Variants in RHAG observed in about 807,000 individuals in gnomAD.
RHAG encodes the protein ammonium transporter Rh type A.
A neutral mutation model predicts 42.4 loss-of-function variants in RHAG; 25 were observed. That is an observed-to-expected ratio of 0.59 (90% CI 0.43 to 0.82). RHAG has a LOEUF of 0.82. Among genes scored for constraint, RHAG ranks in the 40% least tolerant of loss-of-function variants. The probability of loss-of-function intolerance (pLI) is 0.00; values close to 1 mark genes in which losing one functional copy is unlikely to be tolerated. For synonymous variants in RHAG, 182 were observed against 177.7 expected (o/e 1.02, Z -0.19); for missense variants, 483 against 504.6 (o/e 0.96, Z 0.41).
At chr6:49,608,694 C>A (rs566579569) in intron 7 of RHAG, among the ~76,000 whole-genome samples, 1 of 152,198 alleles carries the variant, frequency 6.6e-6, no homozygotes, top group South Asian at 2.1e-4. Context: ...TTCTTAAGAA[C>A]TTTTCCAAAT....
intron 1 of RHAG, among the ~76,000 whole-genome samples, chr6:49,633,226 T>G (rs1762959248): frequency 6.6e-6 from 1 of 152,182 alleles, no homozygotes; most frequent in Admixed American, 6.5e-5. Context: ...AATTGAGAAC[T>G]ATCATAATGT....
Position 49,619,046 on chromosome 6 carries a change from A to T in RHAG, c.341+133T>A. ...TTTCACAAGGACACTGATCCCATTC[A>T]TAAACACTCTGCCTTCATGACCTGG... On this transcript the variant is annotated intron_variant, in intron 2 of 9. Transcript: ENST00000371175. The T allele has an allele frequency of 3.1e-6, 3 of 973,658 alleles. No individual in the cohort carries two copies. The South Asian group carries it at 4.2e-5, about 14-fold the overall frequency. 60.3% of individuals were successfully genotyped at this position (973,658 alleles called of 1,614,324 possible). A position where few individuals can be genotyped will look rare whatever the true frequency, so the allele number is the denominator to read the frequency against.
intron 1 of RHAG, among the ~76,000 whole-genome samples, chr6:49,626,095 C>T (rs986078818): frequency 2.0e-5 from 3 of 152,098 alleles, no homozygotes; most frequent in Non-Finnish European, 4.4e-5. Flanking sequence ...ACAGACAAAC[C>T]ATCTCATTTC....
Position 49,611,163 on chromosome 6 carries a change from A to G in RHAG, c.946-18T>C, listed in dbSNP as rs75364298. 55,368 of 1,602,720 alleles carry G rather than the reference A, an allele frequency of 0.035. 1,531 individuals are homozygous for G. The highest frequency in any genetic ancestry group is 0.1 in the African/African-American group (7,570 of 74,768). On this transcript the variant is annotated intron_variant, in intron 6 of 9. Transcript: ENST00000371175. ...AAAAGTGGCTAAAATTATAAAAGGA[A>G]GAAGGTTTATTATTTAGTTAAACAT...
intron 1 of RHAG, among the ~76,000 whole-genome samples, chr6:49,623,340 A>G (rs983702912): frequency 3.9e-5 from 6 of 152,320 alleles, no homozygotes; most frequent in Admixed American, 3.3e-4. Flanking sequence ...ACGAATAAAA[A>G]GGTTTATAAA....
intron 6 of RHAG, 96 bp from the exon 7 acceptor site, chr6:49,611,241 A>G: frequency 1.1e-6 from 1 of 945,212 alleles, no homozygotes. Flanking sequence ...TCTTCCATGG[A>G]GAAAAAGTAT....
At chr6:49,621,440 G>A (rs1021879387) in intron 1 of RHAG, among the ~76,000 whole-genome samples, 2 of 152,092 alleles carry the variant, frequency 1.3e-5, no homozygotes, top group African/African-American at 4.8e-5. Context: ...GCCTCCTGAA[G>A]GGTCAGCTGA....
chr6:49,613,493 A>C (rs1410688130), intron 5 of RHAG, among the ~76,000 whole-genome samples: 1 of 152,148 alleles, frequency 6.6e-6, no homozygotes, highest in Non-Finnish European at 1.5e-5. Context: ...TTTCCTTTTC[A>C]TTGTTTTTAA....
intron 1 of RHAG, among the ~76,000 whole-genome samples, chr6:49,625,900 G>A (rs920130895): frequency 6.6e-5 from 10 of 152,138 alleles, no homozygotes; most frequent in Non-Finnish European, 1.3e-4. Flanking sequence ...ATGGCGGCAG[G>A]CAAGAGAGCT....
chr6:49,608,914 G>A (rs1000611916), intron 7 of RHAG, among the ~76,000 whole-genome samples: 7 of 151,872 alleles, frequency 4.6e-5, no homozygotes, highest in African/African-American at 1.7e-4. Flanking sequence ...TAATTTTATA[G>A]GAATTTGCCA....
chr6:49,634,094 TCACC>T (rs1762971771), intron 1 of RHAG, among the ~76,000 whole-genome samples: 1 of 152,212 alleles, frequency 6.6e-6, no homozygotes, highest in Non-Finnish European at 1.5e-5. Flanking sequence ...AGGATATCCA[TCACC>T]TTGAACATTT....
intron 1 of RHAG, among the ~76,000 whole-genome samples, chr6:49,633,247 T>A (rs1003317277): frequency 6.6e-6 from 1 of 152,182 alleles, no homozygotes; most frequent in Admixed American, 6.5e-5. Flanking sequence ...ACTGTGAACT[T>A]CTTGGGGAGG....
chr6:49,610,392 T>C (rs1762553641), intron 7 of RHAG, among the ~76,000 whole-genome samples: 1 of 152,172 alleles, frequency 6.6e-6, no homozygotes, highest in East Asian at 1.9e-4. Flanking sequence ...TTGATAGTTG[T>C]TTTTCCTCTG....
At chr6:49,618,962 G>A (rs972048839) in intron 2 of RHAG, among the ~76,000 whole-genome samples, 42 of 152,114 alleles carry the variant, frequency 2.8e-4, no homozygotes, top group African/African-American at 9.7e-4. Context: ...GTTGGTAGAT[G>A]GTGCCTTCCA....
In RHAG at chr6:49,605,616, C is replaced by A; in HGVS notation, c.*197G>T. The A allele has an allele frequency of 1.5e-6, 1 of 684,298 alleles. No individual in the cohort carries two copies. The highest frequency in any genetic ancestry group is 2.7e-6 in the Non-Finnish European group (1 of 368,104). 42.4% of individuals were successfully genotyped at this position (684,298 alleles called of 1,614,324 possible). On this transcript the variant is annotated 3_prime_UTR_variant, in exon 10 of 10. Coordinates refer to ENST00000371175, the MANE Select transcript of RHAG (RefSeq NM_000324.3). ...TTGAAGAGCAAGAGACAGCATCAGACATAAGGACATTTTTACACTGGCCAT... is the reference window on the plus strand; with the variant it reads ...TTGAAGAGCAAGAGACAGCATCAGAAATAAGGACATTTTTACACTGGCCAT...
At chr6:49,633,260 C>T (rs1023048157) in intron 1 of RHAG, among the ~76,000 whole-genome samples, 2 of 152,094 alleles carry the variant, frequency 1.3e-5, no homozygotes, top group Non-Finnish European at 2.9e-5. Context: ...TGGGGAGGAA[C>T]CGAGCCTTTT....
chr6:49,625,715 A>G (rs149843857), intron 1 of RHAG, among the ~76,000 whole-genome samples: 119 of 152,212 alleles, frequency 7.8e-4, no homozygotes, highest in African/African-American at 2.8e-3. Context: ...ATATCTTGCA[A>G]TAGGATATCT....
chr6:49,624,061 CAGAAA>C (rs1762804068), intron 1 of RHAG, among the ~76,000 whole-genome samples: 1 of 151,936 alleles, frequency 6.6e-6, no homozygotes, highest in African/African-American at 2.4e-5. Flanking sequence ...AAGTTGTTAA[CAGAAA>C]ATAAAAGAGA....
Position 49,607,131 on chromosome 6 carries a change from G to A in RHAG, c.1138+19C>T. ...CTGAGAGCATAAGATACAGGGAAGT[G>A]TTCACTTTTTATGCTGACCTGTCAT... On this transcript the variant is annotated intron_variant, in intron 8 of 9. Coordinates refer to ENST00000371175, the MANE Select transcript of RHAG (RefSeq NM_000324.3). 1 of 1,596,688 alleles carries A rather than the reference G, an allele frequency of 6.3e-7. No homozygotes were observed.
Sources: allele counts gnomAD v4.1 joint callset (sites outside exome capture counted in the v4.1 genomes callset), GRCh38; gene constraint gnomAD v4.1.1; transcripts MANE v1.5; gene names NCBI Gene and HGNC (gene_info 2026-07-23, HGNC 2026-07-21).